ANK2: variants seen among roughly 807,000 people sequenced by gnomAD.
ANK2 encodes the protein ankyrin 2, also known as ankyrin-2.
A neutral mutation model predicts 360.5 loss-of-function variants in ANK2; 83 were observed. That is an observed-to-expected ratio of 0.23 (90% CI 0.19 to 0.28). The LOEUF is 0.28. Among genes scored for constraint, ANK2 ranks in the 10% least tolerant of loss-of-function variants. The pLI is 1.00. For missense variants in ANK2, 4,201 were observed against 4,795.7 expected, an observed-to-expected ratio of 0.88 and a Z score of 3.66; for synonymous variants, 1,740 against 1,759.5, an observed-to-expected ratio of 0.99 and a Z score of 0.28.
chr4:112,889,718 G>C (rs2079421433), intron 1 of ANK2, among the ~76,000 whole-genome samples: 1 of 152,080 alleles, frequency 6.6e-6, no homozygotes, highest in South Asian at 2.1e-4. Flanking sequence ...ATTTCTCCTT[G>C]AAAAGAACTG....
At chr4:112,892,581 T>C (rs2150688796) in intron 1 of ANK2, among the ~76,000 whole-genome samples, 1 of 152,356 alleles carries the variant, frequency 6.6e-6, no homozygotes, top group Non-Finnish European at 1.5e-5. Flanking sequence ...TCTTTATGAA[T>C]ATAAAGTACT....
chr4:113,037,668 T>A (rs955504532), intron 2 of ANK2, among the ~76,000 whole-genome samples: 1 of 152,008 alleles, frequency 6.6e-6, no homozygotes, highest in African/African-American at 2.4e-5. Context: ...CCAGGTCTGA[T>A]TATCAGCACA....
rs917660100 is a variant in ANK2 at position 113,353,038 on chromosome 4, A to G, written c.4427-7A>G. On this transcript the variant is annotated splice_region_variant and splice_polypyrimidine_tract_variant and intron_variant, in intron 37 of 45. Transcript: ENST00000357077. ...TTTACTTTCAATGTTTTTCATTCAC[A>G]TCAAAGATGATGAGACAGAATCTAC... The G allele has an allele frequency of 6.2e-7, 1 of 1,612,906 alleles. No individual in the cohort carries two copies. The highest frequency in any genetic ancestry group is 1.3e-5 in the African/African-American group (1 of 74,968).
chr4:112,708,814 G>T, the ANK2 span, among the ~76,000 whole-genome samples: 1 of 152,018 alleles, frequency 6.6e-6, no homozygotes, highest in African/African-American at 2.4e-5. Flanking sequence ...GTCACTGTAG[G>T]ATTGAATTCG....
intron 1 of ANK2, among the ~76,000 whole-genome samples, chr4:113,082,453 A>G (rs2082795298): frequency 6.6e-6 from 1 of 152,148 alleles, no homozygotes; most frequent in Non-Finnish European, 1.5e-5. Flanking sequence ...ATGCCTTCTT[A>G]TTTGTATAGA....
At chr4:112,894,548 A>G (rs1441747470) in intron 1 of ANK2, among the ~76,000 whole-genome samples, 1 of 152,250 alleles carries the variant, frequency 6.6e-6, no homozygotes, top group Non-Finnish European at 1.5e-5. Context: ...GTAACACATT[A>G]TTATGAGGAA....
At chr4:113,105,166 C>T (rs1350088786) in intron 1 of ANK2, among the ~76,000 whole-genome samples, 2 of 152,016 alleles carry the variant, frequency 1.3e-5, no homozygotes, top group Non-Finnish European at 2.9e-5. Context: ...GTAGGTAGCC[C>T]TTCTGAAGTC....
chr4:112,869,974 A>T (rs2072273462), intron 1 of ANK2, among the ~76,000 whole-genome samples: 1 of 151,844 alleles, frequency 6.6e-6, no homozygotes. Context: ...TGTACCTGGC[A>T]TATTATTATT....
the ANK2 span, among the ~76,000 whole-genome samples, chr4:112,781,233 C>T: frequency 1.3e-5 from 2 of 152,022 alleles, no homozygotes; most frequent in African/African-American, 2.4e-5. Flanking sequence ...CTCCTAGGCT[C>T]AAGGGATCTC....
chr4:113,191,846 CG>C (rs2098670340), intron 2 of ANK2, among the ~76,000 whole-genome samples: 1 of 152,118 alleles, frequency 6.6e-6, no homozygotes, highest in African/African-American at 2.4e-5. Flanking sequence ...AGAGACAGCA[CG>C]GGAGCTCAGA....
chr4:112,798,005 C>A, the ANK2 span: 1 of 164,654 alleles, frequency 6.1e-6, no homozygotes, highest in South Asian at 1.7e-4. Flanking sequence ...TCACATCCAT[C>A]ACTGCTATAC....
At chr4:113,185,303 T>C (rs1015535317) in intron 2 of ANK2, among the ~76,000 whole-genome samples, 1 of 152,218 alleles carries the variant, frequency 6.6e-6, no homozygotes, top group Non-Finnish European at 1.5e-5. Context: ...TCTTCCACAA[T>C]GGTTGAGCTA....
chr4:113,357,636 G>T lies in ANK2; in HGVS notation c.9018G>T (p.Met3006Ile), dbSNP rs1167529807. The T allele has an allele frequency of 1.2e-6, 2 of 1,614,136 alleles. No homozygotes were observed. Among genetic ancestry groups the T allele is most frequent in the African/African-American group, 2.7e-5 (2 of 75,054 alleles). ...ESQQESTLWE[M>I]QSDSVSSSFE... ...AACAGGAAAGTACCTTGTGGGAAAT[G>T]CAATCAGACAGTGTCTCTTCATCTT... The change falls in exon 38 of 46, where the codon ATG (methionine) becomes ATT (isoleucine). Residue 3006 changes from methionine (M) to isoleucine (I), a missense_variant. Met to Ile is a conservative substitution (Grantham distance 10, BLOSUM62 1). This residue lies in a region of ANK2 where 2,642 missense variants were observed against 2,714.5 expected (regional missense o/e 0.97). Transcript: ENST00000357077.
chr4:113,201,597 C>T (rs750026348), intron 4 of ANK2, among the ~76,000 whole-genome samples: 1 of 152,160 alleles, frequency 6.6e-6, no homozygotes, highest in African/African-American at 2.4e-5. Flanking sequence ...AGGAAATTCA[C>T]CTATACATTG....
In ANK2 at chr4:113,209,204, G is replaced by A. The variant is rs777168422; in HGVS notation, c.384+10095G>A. Among the ~76,000 whole-genome samples the A allele has an allele frequency of 5.3e-5, 8 of 152,066 alleles. 1 individual carries two copies. The highest frequency in any genetic ancestry group is 2.6e-4 in the Admixed American group (4 of 15,294). The stretch of plus-strand genomic sequence containing the variant: ...ACAAGTTATGGGAGGGGGAGAAGGC[G>A]AGGTCTAGCTAACAAAGGAGGTCTT... On this transcript the variant is annotated intron_variant, in intron 4 of 45. Coordinates refer to ENST00000357077, the MANE Select transcript of ANK2 (RefSeq NM_001148.6).
chr4:113,092,274 G>C (rs1321214761), intron 1 of ANK2, among the ~76,000 whole-genome samples: 1 of 152,160 alleles, frequency 6.6e-6, no homozygotes, highest in African/African-American at 2.4e-5. Flanking sequence ...ATACATTACA[G>C]CACTAAATAT....
intron 1 of ANK2, among the ~76,000 whole-genome samples, chr4:112,867,562 C>A (rs762119466): frequency 1.1e-4 from 16 of 152,162 alleles, no homozygotes; most frequent in Non-Finnish European, 1.6e-4. Flanking sequence ...CCCTTTCCCC[C>A]CTACTCCCTC....
At chr4:113,258,453 C>T (rs764038621) in intron 13 of ANK2, 42 bp downstream of exon 13, 4 of 1,558,722 alleles carry the variant, frequency 2.6e-6, no homozygotes, top group African/African-American at 2.7e-5. Context: ...GGAGGAAGAG[C>T]GAGAGGAACA....
At chr4:113,377,659 G>A (rs1281540409) in intron 45 of ANK2, among the ~76,000 whole-genome samples, 2 of 152,102 alleles carry the variant, frequency 1.3e-5, no homozygotes, top group Non-Finnish European at 2.9e-5. Flanking sequence ...AATATTAAAA[G>A]CAAACCTCTT....
Sources: allele counts gnomAD v4.1 joint callset (sites outside exome capture counted in the v4.1 genomes callset), GRCh38; gene constraint gnomAD v4.1.1; regional missense constraint gnomAD v4.1.1; transcripts MANE v1.5; gene names NCBI Gene and HGNC (gene_info 2026-07-23, HGNC 2026-07-21).